SPOCK1: variants seen among roughly 807,000 people sequenced by gnomAD.
SPOCK1 encodes the protein testican-1.
In SPOCK1, 23 loss-of-function variants were observed where a neutral mutation model predicts 55.3. The ratio of observed to expected loss-of-function variants is 0.42; its 90% confidence interval spans 0.30 to 0.59. The LOEUF is 0.59. Among genes scored for constraint, SPOCK1 ranks in the 20% least tolerant of loss-of-function variants. SPOCK1 has a pLI of 0.22. For missense variants in SPOCK1, 499 were observed against 552.5 expected, an observed-to-expected ratio of 0.90 and a Z score of 0.97; for synonymous variants, 226 against 221.0, an observed-to-expected ratio of 1.02 and a Z score of -0.20.
At chr5:137,160,558 T>TTTATATA (rs1491439850) in intron 3 of SPOCK1, among the ~76,000 whole-genome samples, 6 of 57,290 alleles carry the variant, frequency 1.0e-4, no homozygotes, top group African/African-American at 3.1e-4. Flanking sequence ...TAATATATAT[T>TTTATATA]ATATATTATA....
chr5:137,131,971 C>CAA (rs1156253291), intron 4 of SPOCK1, among the ~76,000 whole-genome samples: 12 of 12,722 alleles, frequency 9.4e-4, no homozygotes, highest in Non-Finnish European at 1.2e-3. Flanking sequence ...GACTCCGTCT[C>CAA]AAAAAAAAAA....
At chr5:137,209,602 C>T (rs528022999) in intron 3 of SPOCK1, among the ~76,000 whole-genome samples, 1 of 152,194 alleles carries the variant, frequency 6.6e-6, no homozygotes, top group Non-Finnish European at 1.5e-5. Context: ...ATCAGACTAA[C>T]CACATATTAC....
At chr5:136,995,876 G>A (rs1401145507) in intron 6 of SPOCK1, among the ~76,000 whole-genome samples, 3 of 152,106 alleles carry the variant, frequency 2.0e-5, no homozygotes, top group South Asian at 2.1e-4. Flanking sequence ...GGTGTGGGTC[G>A]AGAGAGATCA....
chr5:137,028,657 T>C (rs1414956320), intron 6 of SPOCK1, among the ~76,000 whole-genome samples: 1 of 151,986 alleles, frequency 6.6e-6, no homozygotes, highest in Admixed American at 6.6e-5. Context: ...ACTCTAGGAC[T>C]CTCTGGAAAT....
chr5:137,244,977 A>G (rs1335959260), intron 3 of SPOCK1, among the ~76,000 whole-genome samples: 3 of 152,222 alleles, frequency 2.0e-5, no homozygotes, highest in African/African-American at 7.2e-5. Context: ...CCTCTACCTA[A>G]TAAGAGAAAA....
chr5:137,293,098 T>C (rs1441000613), intron 2 of SPOCK1, among the ~76,000 whole-genome samples: 2 of 25,186 alleles, frequency 7.9e-5, no homozygotes, highest in Non-Finnish European at 1.6e-4. Context: ...AATTTTTTTT[T>C]TTTTTTTTTT....
At chr5:137,033,406 CCTTT>C (rs1751821918) in intron 6 of SPOCK1, among the ~76,000 whole-genome samples, 1 of 152,138 alleles carries the variant, frequency 6.6e-6, no homozygotes, top group Non-Finnish European at 1.5e-5. Context: ...TTCCTTTTTT[CCTTT>C]CTATTGAAAT....
chr5:137,118,957 C>T lies in SPOCK1; in HGVS notation c.348-6396G>A, dbSNP rs941458153. ...TACATGCCGGTCTAATTGCCCTGAACGCATCTCCCTGATTCCTCACACATA... is the reference window on the plus strand; with the variant it reads ...TACATGCCGGTCTAATTGCCCTGAATGCATCTCCCTGATTCCTCACACATA... On this transcript the variant is annotated intron_variant, in intron 4 of 10. Transcript: ENST00000394945. Among the ~76,000 whole-genome samples the T allele has an allele frequency of 4.6e-5, 7 of 152,312 alleles. No homozygotes were observed. In the South Asian group the frequency reaches 8.3e-4, roughly 18 times the overall value.
At chr5:137,223,341 A>G (rs765646795) in intron 3 of SPOCK1, among the ~76,000 whole-genome samples, 1 of 152,142 alleles carries the variant, frequency 6.6e-6, no homozygotes, top group Non-Finnish European at 1.5e-5. Context: ...ATGACAATGA[A>G]ACAACAGGTG....
intron 4 of SPOCK1, among the ~76,000 whole-genome samples, chr5:137,130,286 A>G (rs1163607139): frequency 1.3e-5 from 2 of 152,150 alleles, no homozygotes; most frequent in East Asian, 3.9e-4. Flanking sequence ...TGTCTCTTTC[A>G]ATAGACTTTA....
chr5:137,227,372 A>G (rs1403008160), intron 3 of SPOCK1, among the ~76,000 whole-genome samples: 1 of 152,246 alleles, frequency 6.6e-6, no homozygotes, highest in Non-Finnish European at 1.5e-5. Flanking sequence ...TTCATTTGCA[A>G]GAAAAGTAGA....
intron 2 of SPOCK1, among the ~76,000 whole-genome samples, chr5:137,298,152 G>T (rs1757523133): frequency 6.6e-6 from 1 of 152,144 alleles, no homozygotes; most frequent in South Asian, 2.1e-4. Context: ...TTTTAACAGT[G>T]CTATGTGTGC....
chr5:137,397,743 G>A (rs1488462089), intron 2 of SPOCK1, among the ~76,000 whole-genome samples: 1 of 152,132 alleles, frequency 6.6e-6, no homozygotes, highest in East Asian at 1.9e-4. Flanking sequence ...TCCATCAAGT[G>A]AGAATAACAC....
chr5:137,088,071 G>A (rs567713695), intron 5 of SPOCK1, among the ~76,000 whole-genome samples: 119 of 152,320 alleles, frequency 7.8e-4, no homozygotes, highest in African/African-American at 2.8e-3. Flanking sequence ...GATTCCATGT[G>A]TGTGAAGATT....
chr5:137,333,330 A>G (rs1398513807), intron 2 of SPOCK1, among the ~76,000 whole-genome samples: 1 of 152,224 alleles, frequency 6.6e-6, no homozygotes, highest in Admixed American at 6.5e-5. Context: ...CTTAGTGAAC[A>G]TGATGTCCTA....
intron 2 of SPOCK1, among the ~76,000 whole-genome samples, chr5:137,364,310 G>A (rs1034778208): frequency 1.3e-5 from 2 of 152,158 alleles, no homozygotes; most frequent in African/African-American, 2.4e-5. Flanking sequence ...GTTGGGGAGC[G>A]GGGTGACGTT....
intron 3 of SPOCK1, among the ~76,000 whole-genome samples, chr5:137,220,015 A>C (rs2127087003): frequency 6.6e-6 from 1 of 152,332 alleles, no homozygotes; most frequent in South Asian, 2.1e-4. Flanking sequence ...CTGCCCCAGA[A>C]GTAGATTCTG....
chr5:137,387,987 C>T (rs1228940702), intron 2 of SPOCK1, among the ~76,000 whole-genome samples: 2 of 148,140 alleles, frequency 1.4e-5, no homozygotes, highest in African/African-American at 5.3e-5. Context: ...GAAAAAGTCA[C>T]AGAGAGAAGG....
At chr5:137,070,949 C>T (rs1286643159) in intron 5 of SPOCK1, among the ~76,000 whole-genome samples, 2 of 151,842 alleles carry the variant, frequency 1.3e-5, no homozygotes, top group African/African-American at 4.8e-5. Context: ...AGTTCAAGGG[C>T]ACAGATCTGT....
Sources: gnomAD v4.1 joint callset for allele counts (sites outside exome capture counted in the v4.1 genomes callset) on GRCh38, gnomAD v4.1.1 for gene constraint, MANE v1.5 for transcripts, NCBI Gene and HGNC (gene_info 2026-07-23, HGNC 2026-07-21) for gene names.